PLS1: variants seen among roughly 807,000 people sequenced by gnomAD.
PLS1 encodes plastin-1.
Under a neutral mutation model 73.7 loss-of-function variants are expected in PLS1, and 32 were observed. The ratio of observed to expected loss-of-function variants is 0.43; its 90% CI spans 0.33 to 0.58. PLS1 has a LOEUF of 0.58. Among genes scored for constraint, PLS1 ranks in the 20% least tolerant of loss-of-function variants. The pLI is 0.04. For synonymous variants in PLS1, 217 were observed against 261.3 expected (o/e 0.83, Z 1.63); for missense variants, 633 against 740.5 (o/e 0.85, Z 1.68).
At chr3:142,602,752 G>A (rs1254853601) in intron 1 of PLS1, among the ~76,000 whole-genome samples, 2 of 152,124 alleles carry the variant, frequency 1.3e-5, no homozygotes. Context: ...TGCTGCCTGA[G>A]CTCTCTTTCC....
At chr3:142,685,245 A>C (rs1209632181) in intron 8 of PLS1, among the ~76,000 whole-genome samples, 2 of 152,202 alleles carry the variant, frequency 1.3e-5, no homozygotes, top group African/African-American at 4.8e-5. Flanking sequence ...TCAGCTAATC[A>C]AACATTTATT....
chr3:142,689,326 GGGA>G (rs936365397), intron 9 of PLS1, among the ~76,000 whole-genome samples: 1 of 152,030 alleles, frequency 6.6e-6, no homozygotes, highest in Non-Finnish European at 1.5e-5. Context: ...CAGGGGCTGA[GGGA>G]GGAGAATCAC....
intron 1 of PLS1, among the ~76,000 whole-genome samples, chr3:142,648,354 A>G (rs1228870527): frequency 1.3e-5 from 2 of 152,168 alleles, no homozygotes; most frequent in African/African-American, 2.4e-5. Flanking sequence ...GATTGTTGAA[A>G]GGTTTGGAGT....
intron 6 of PLS1, among the ~76,000 whole-genome samples, chr3:142,680,111 G>T (rs191310496): frequency 1.3e-5 from 2 of 152,306 alleles, no homozygotes; most frequent in East Asian, 3.9e-4. Flanking sequence ...AGAGATGAGG[G>T]TCTTGCTATG....
chr3:142,654,955 T>TTA (rs1365451031), intron 1 of PLS1: 2 of 152,084 alleles, frequency 1.3e-5, no homozygotes, highest in Non-Finnish European at 2.9e-5. Flanking sequence ...TGAAGAGAAA[T>TTA]ATTAGAGAAA....
At chr3:142,692,371 G>GA (rs1000151890) in intron 10 of PLS1, among the ~76,000 whole-genome samples, 1 of 151,726 alleles carries the variant, frequency 6.6e-6, no homozygotes, top group East Asian at 1.9e-4. Flanking sequence ...GATCTAGGGG[G>GA]AAAAAAAGGT....
chr3:142,599,178 G>GAATAAATAAATAAATA (rs199708068), intron 1 of PLS1, among the ~76,000 whole-genome samples: 2 of 146,988 alleles, frequency 1.4e-5, no homozygotes, highest in South Asian at 2.1e-4. Flanking sequence ...ATGAATGAAT[G>GAATAAATAAATAAATA]AATAAATAAA....
chr3:142,661,193 A>G (rs1453640957), intron 1 of PLS1, among the ~76,000 whole-genome samples: 1 of 152,212 alleles, frequency 6.6e-6, no homozygotes, highest in African/African-American at 2.4e-5. Flanking sequence ...ACACAAAATA[A>G]GAATGTCTGT....
chr3:142,689,647 C>A lies in PLS1; in HGVS notation c.1011C>A (p.Leu337=). 1 of 1,608,658 alleles carries A rather than the reference C, an allele frequency of 6.2e-7. No individual in the cohort carries two copies. The highest frequency in any genetic ancestry group is 8.5e-7 in the Non-Finnish European group (1 of 1,177,772). Residue 337 remains leucine, a synonymous_variant, in exon 10 of 16, where the codon CTC becomes CTA. Transcript: ENST00000457734. Reference sequence around the variant, plus strand: ...CAAATGACCTGAAGCGTGCTGGACTCATGCTTCAAGAAGCAGATAAACTGG... The same window carrying A: ...CAAATGACCTGAAGCGTGCTGGACTAATGCTTCAAGAAGCAGATAAACTGG... ...NETNDLKRAG[L]MLQEADKLGC... is the part of the protein sequence containing the mutation.
intron 6 of PLS1, among the ~76,000 whole-genome samples, chr3:142,679,198 G>A (rs1401286052): frequency 5.3e-5 from 8 of 151,964 alleles, no homozygotes; most frequent in East Asian, 3.9e-4. Context: ...AGTAGGTTGC[G>A]AAAATTTTCT....
intron 1 of PLS1, among the ~76,000 whole-genome samples, chr3:142,637,756 T>C (rs1427147212): frequency 1.3e-5 from 2 of 152,094 alleles, no homozygotes; most frequent in East Asian, 3.9e-4. Flanking sequence ...GGATATGTAA[T>C]TAAATATGGA....
At chr3:142,604,077 A>C (rs937581900) in intron 1 of PLS1, among the ~76,000 whole-genome samples, 2 of 152,188 alleles carry the variant, frequency 1.3e-5, no homozygotes, top group Non-Finnish European at 2.9e-5. Context: ...GTTTATATTA[A>C]AAAAATGACA....
chr3:142,669,350 A>G, intron 2 of PLS1, 40 bp from the exon 3 acceptor site: 1 of 1,233,118 alleles, frequency 8.1e-7, no homozygotes, highest in Non-Finnish European at 1.1e-6. Flanking sequence ...TACACCTTCA[A>G]CAAAGATTAC....
Position 142,681,734 on chromosome 3 carries a change from C to T in PLS1, c.580-2272C>T, listed in dbSNP as rs571943029. 2.6e-5 allele frequency among the ~76,000 whole-genome samples: 4 copies of T among 152,274 alleles called. No individual in the cohort carries two copies. The South Asian group carries it at 8.3e-4, about 32-fold the overall frequency. ...TGTATAGCAACTTCTCCATGGGGTTCTCCTGTTACTTCTTGTTCTTAAGAT... is the reference window on the plus strand; with the variant it reads ...TGTATAGCAACTTCTCCATGGGGTTTTCCTGTTACTTCTTGTTCTTAAGAT... On this transcript the variant is annotated intron_variant, in intron 6 of 15. Coordinates refer to ENST00000457734, the MANE Select transcript of PLS1 (RefSeq NM_001145319.2).
chr3:142,659,280 C>T (rs2037311135), intron 1 of PLS1, among the ~76,000 whole-genome samples: 1 of 152,012 alleles, frequency 6.6e-6, no homozygotes, highest in East Asian at 1.9e-4. Context: ...TGTGACAGGG[C>T]CACTGTGGAA....
chr3:142,671,265 A>C (rs2037599094), intron 4 of PLS1, 143 bp downstream of exon 4: 2 of 699,374 alleles, frequency 2.9e-6, no homozygotes, highest in Non-Finnish European at 5.0e-6. Flanking sequence ...TGCAGACCAC[A>C]GTATAACATG....
intron 4 of PLS1, among the ~76,000 whole-genome samples, chr3:142,673,371 C>T (rs1406664772): frequency 2.0e-5 from 3 of 152,066 alleles, no homozygotes; most frequent in African/African-American, 7.2e-5. Context: ...ATTCTATGGG[C>T]AATACCACAT....
intron 1 of PLS1, among the ~76,000 whole-genome samples, chr3:142,616,893 C>A (rs765246181): frequency 6.6e-6 from 1 of 152,158 alleles, no homozygotes; most frequent in Non-Finnish European, 1.5e-5. Context: ...TGAGCCACCG[C>A]ACCCGGCCAG....
chr3:142,636,412 C>T (rs751522411), intron 1 of PLS1, among the ~76,000 whole-genome samples: 44 of 152,156 alleles, frequency 2.9e-4, no homozygotes, highest in Non-Finnish European at 5.4e-4. Context: ...AACATTGATT[C>T]ATACCTTGTA....
Sources: gnomAD v4.1 joint callset for allele counts (sites outside exome capture counted in the v4.1 genomes callset) on GRCh38, gnomAD v4.1.1 for gene constraint, MANE v1.5 for transcripts, NCBI Gene and HGNC (gene_info 2026-07-23, HGNC 2026-07-21) for gene names.